Variants in LRMDA observed in about 807,000 individuals in gnomAD.
LRMDA encodes leucine-rich melanocyte differentiation-associated protein.
In LRMDA, 18 loss-of-function variants were observed where a neutral mutation model predicts 29.8. The ratio of observed to expected loss-of-function variants is 0.60; its 90% CI spans 0.42 to 0.90. The LOEUF (loss-of-function observed/expected upper bound fraction) is 0.90, where lower values mean the gene tolerates loss of function less well. Among genes scored for constraint, LRMDA ranks in the 40% least tolerant of loss-of-function variants. The probability of loss-of-function intolerance (pLI) is 0.00; values close to 1 mark genes in which losing one functional copy is unlikely to be tolerated. For missense variants in LRMDA, 273 were observed against 273.9 expected (o/e 1.00, Z 0.02); for synonymous variants, 125 against 109.4 (o/e 1.14, Z -0.89).
At chr10:76,329,893 G>A (rs1310147316) in intron 6 of LRMDA, among the ~76,000 whole-genome samples, 6 of 152,258 alleles carry the variant, frequency 3.9e-5, no homozygotes, top group South Asian at 2.1e-4. Flanking sequence ...CATAAAATAC[G>A]TTTCCACAGA....
chr10:75,683,214 G>A (rs1842044689), intron 2 of LRMDA, among the ~76,000 whole-genome samples: 1 of 152,212 alleles, frequency 6.6e-6, no homozygotes, highest in South Asian at 2.1e-4. Context: ...TAATGCTGCT[G>A]TAAACCAGGC....
At chr10:76,220,405 C>A (rs1402567861) in intron 5 of LRMDA, among the ~76,000 whole-genome samples, 2 of 151,948 alleles carry the variant, frequency 1.3e-5, no homozygotes, top group Non-Finnish European at 2.9e-5. Context: ...AGAGAAGAAT[C>A]AAATAGACGC....
chr10:76,477,724 A>G (rs1205661281), intron 6 of LRMDA, among the ~76,000 whole-genome samples: 1 of 152,156 alleles, frequency 6.6e-6, no homozygotes, highest in African/African-American at 2.4e-5. Flanking sequence ...ATGGAACAGA[A>G]CAGAGCCCTC....
chr10:75,879,528 C>G (rs986846961), intron 2 of LRMDA, among the ~76,000 whole-genome samples: 3 of 152,172 alleles, frequency 2.0e-5, no homozygotes, highest in Non-Finnish European at 4.4e-5. Flanking sequence ...ATAGATGTCA[C>G]TGCTTGTTGT....
At chr10:75,619,903 G>A (rs1223516336) in intron 2 of LRMDA, among the ~76,000 whole-genome samples, 1 of 152,156 alleles carries the variant, frequency 6.6e-6, no homozygotes, top group Admixed American at 6.5e-5. Context: ...GTATGTTCAA[G>A]GGCCTAGCAC....
At chr10:75,829,153 C>G (rs1379989284) in intron 2 of LRMDA, among the ~76,000 whole-genome samples, 1 of 152,204 alleles carries the variant, frequency 6.6e-6, no homozygotes. Context: ...AGATGGTGTG[C>G]TGAGCCCTTC....
chr10:75,479,312 C>A (rs1844831520), intron 2 of LRMDA, among the ~76,000 whole-genome samples: 1 of 152,020 alleles, frequency 6.6e-6, no homozygotes, highest in African/African-American at 2.4e-5. Flanking sequence ...TTGAGACCAT[C>A]CTACATAACA....
intron 2 of LRMDA, among the ~76,000 whole-genome samples, chr10:75,804,375 C>T (rs967650078): frequency 3.9e-5 from 6 of 152,156 alleles, no homozygotes; most frequent in Admixed American, 1.3e-4. Context: ...CCTGGTGTCA[C>T]GGCGATGTGA....
intron 2 of LRMDA, among the ~76,000 whole-genome samples, chr10:75,786,422 T>A (rs1843473433): frequency 6.6e-6 from 1 of 152,216 alleles, no homozygotes; most frequent in Admixed American, 6.5e-5. Context: ...ACTTTTCATT[T>A]TCAAGCTTAA....
intron 5 of LRMDA, among the ~76,000 whole-genome samples, chr10:76,072,475 C>G (rs537049974): frequency 2.5e-4 from 38 of 152,060 alleles, no homozygotes; most frequent in Non-Finnish European, 4.4e-4. Flanking sequence ...TAAAAACAGC[C>G]TTTAATTAAA....
In LRMDA at chr10:76,151,028, C is replaced by T. The variant is rs568111881; in HGVS notation, c.516+92245C>T. On this transcript the variant is annotated intron_variant, in intron 5 of 6. Coordinates refer to ENST00000611255, the MANE Select transcript of LRMDA (RefSeq NM_001305581.2). ...ACCCAGCCGGGCAGCAGAATCCAAGCGCCCTGTATGCACCTCTGAACACCC... is the reference window on the plus strand; with the variant it reads ...ACCCAGCCGGGCAGCAGAATCCAAGTGCCCTGTATGCACCTCTGAACACCC... 1.9e-4 allele frequency among the ~76,000 whole-genome samples: 29 copies of T among 152,216 alleles called. No homozygotes were observed. In the East Asian group the frequency reaches 5.4e-3, roughly 29 times the overall value.
chr10:76,243,027 A>G (rs1046750577), intron 5 of LRMDA, among the ~76,000 whole-genome samples: 3 of 152,174 alleles, frequency 2.0e-5, no homozygotes, highest in Non-Finnish European at 4.4e-5. Context: ...AGCAGGAAAC[A>G]TCAGCCAGAA....
At chr10:76,289,385 G>T (rs957981849) in intron 5 of LRMDA, among the ~76,000 whole-genome samples, 1 of 152,052 alleles carries the variant, frequency 6.6e-6, no homozygotes. Flanking sequence ...ATGTGAGGTC[G>T]CCTTCTTTTA....
Position 76,260,078 on chromosome 10 carries a change from C to G in LRMDA, c.517-64323C>G, listed in dbSNP as rs533577473. On this transcript the variant is annotated intron_variant, in intron 5 of 6. Coordinates refer to ENST00000611255, the MANE Select transcript of LRMDA (RefSeq NM_001305581.2). ...TTGGAGAATTTAATCCATTTACATA[C>G]AAGGTTATTACTGATAGGTGAGGAC... Among the ~76,000 whole-genome samples, 4 of 152,054 alleles carry G rather than the reference C, an allele frequency of 2.6e-5. No homozygotes were observed. In the East Asian group the frequency reaches 5.8e-4, roughly 22 times the overall value.
At chr10:76,553,702 A>G (rs984776472) in intron 6 of LRMDA, among the ~76,000 whole-genome samples, 3 of 152,164 alleles carry the variant, frequency 2.0e-5, no homozygotes, top group African/African-American at 7.2e-5. Flanking sequence ...CAAAAGTCAC[A>G]TATTGGGGGT....
At position 76,005,231 on chromosome 10, in the gene LRMDA, C is replaced by A. The variant is rs1321160557; in HGVS notation, c.132-30777C>A. 1.3e-5 allele frequency among the ~76,000 whole-genome samples: 2 copies of A among 152,158 alleles called. 1 individual carries two copies. Among genetic ancestry groups the A allele is most frequent in the Admixed American group, 1.3e-4 (2 of 15,290 alleles). On this transcript the variant is annotated intron_variant, in intron 2 of 6. Transcript: ENST00000611255. ...TATGTATTACTGTACTATGTGCTTT[C>A]TCTTTACAATTCTGATACATTATGC...
In LRMDA at chr10:76,014,061, C is replaced by G. The variant is rs1354553170; in HGVS notation, c.132-21947C>G. Reference sequence around the variant, plus strand: ...TAGAGAAGAAGTTGGTGGTCAACTGCTGGTCAGCCCAATATGGTCTGCTGT... The same window carrying G: ...TAGAGAAGAAGTTGGTGGTCAACTGGTGGTCAGCCCAATATGGTCTGCTGT... On this transcript the variant is annotated intron_variant, in intron 2 of 6. Coordinates refer to ENST00000611255, the MANE Select transcript of LRMDA (RefSeq NM_001305581.2). Among the ~76,000 whole-genome samples the G allele has an allele frequency of 2.9e-5, 4 of 138,120 alleles. No homozygotes were observed. The East Asian group carries it at 8.6e-4, about 30-fold the overall frequency. 90.6% of individuals were successfully genotyped at this position (138,120 alleles called of 152,430 possible). A position where few individuals can be genotyped will look rare whatever the true frequency, so the allele number is the denominator to read the frequency against.
intron 5 of LRMDA, among the ~76,000 whole-genome samples, chr10:76,308,117 C>G (rs1045788749): frequency 6.6e-6 from 1 of 152,084 alleles, no homozygotes; most frequent in Non-Finnish European, 1.5e-5. Context: ...ACCCTACTTG[C>G]CCTCTCCCCA....
chr10:75,906,048 G>A (rs1344737825), intron 2 of LRMDA, among the ~76,000 whole-genome samples: 1 of 151,250 alleles, frequency 6.6e-6, no homozygotes, highest in Non-Finnish European at 1.5e-5. Flanking sequence ...GATGCTCCCA[G>A]TCCCAGCTCT....
Sources: gnomAD v4.1 joint callset for allele counts (sites outside exome capture counted in the v4.1 genomes callset) on GRCh38, gnomAD v4.1.1 for gene constraint, MANE v1.5 for transcripts, NCBI Gene and HGNC (gene_info 2026-07-23, HGNC 2026-07-21) for gene names.